Variants in FANCI observed in about 807,000 individuals in gnomAD.
FANCI encodes FA complementation group I, also known as Fanconi anemia group I protein.
In FANCI, 156 loss-of-function variants were observed where a neutral mutation model predicts 176.1. That is an observed-to-expected ratio of 0.89 (90% CI 0.78 to 1.01). The LOEUF is 1.01. Among genes scored for constraint, FANCI ranks in the 50% least tolerant of loss-of-function variants. The pLI, the probability that FANCI is intolerant of heterozygous loss-of-function variation, is 0.00. For missense variants in FANCI, 1,678 were observed against 1,534.1 expected (o/e 1.09, Z -1.57); for synonymous variants, 613 against 541.7 (o/e 1.13, Z -1.83).
At chr15:89,288,274 G>C (rs1596297692) in intron 18 of FANCI, among the ~76,000 whole-genome samples, 1 of 152,134 alleles carries the variant, frequency 6.6e-6, no homozygotes, top group Non-Finnish European at 1.5e-5. Context: ...GTGCACTAAG[G>C]ATAGGCAGTC....
intron 28 of FANCI, among the ~76,000 whole-genome samples, chr15:89,304,594 T>C (rs1423463510): frequency 6.6e-6 from 1 of 152,126 alleles, no homozygotes; most frequent in Non-Finnish European, 1.5e-5. Flanking sequence ...TGATGGGAAA[T>C]GTCTGCCTTC....
chr15:89,274,298 A>T lies in FANCI; in HGVS notation c.1106A>T (p.Lys369Met). The T allele has an allele frequency of 1.2e-6, 2 of 1,613,572 alleles. No homozygotes were observed. The highest frequency in any genetic ancestry group is 1.7e-6 in the Non-Finnish European group (2 of 1,179,804). The change falls in exon 12 of 38, where the codon AAG (lysine) becomes ATG (methionine). Residue 369 changes from lysine (K) to methionine (M), a missense_variant. Lys to Met is a moderately conservative substitution (Grantham distance 95). Coordinates refer to ENST00000310775, the MANE Select transcript of FANCI (RefSeq NM_001113378.2). ...TCAACCATGATCTTGGAAGTAGTGAAGAATAGGTAAGTTGGTGAACCATAT... is the reference window on the plus strand; with the variant it reads ...TCAACCATGATCTTGGAAGTAGTGATGAATAGGTAAGTTGGTGAACCATAT... ...YVSTMILEVVKNSVHSWDHVT... is the reference protein window; with the variant it reads ...YVSTMILEVVMNSVHSWDHVT...
At chr15:89,307,266 C>T (rs2054758988) in intron 32 of FANCI, among the ~76,000 whole-genome samples, 1 of 152,168 alleles carries the variant, frequency 6.6e-6, no homozygotes. Flanking sequence ...AAGAAATGAG[C>T]AAATCAGAAA....
chr15:89,247,700 A>G lies in FANCI; in HGVS notation c.53A>G (p.Gln18Arg), dbSNP rs2052050509. 6.2e-7 allele frequency: 1 copy of G among 1,614,048 alleles called. No individual in the cohort carries two copies. The highest frequency in any genetic ancestry group is 8.5e-7 in the Non-Finnish European group (1 of 1,179,980). ...GCAGAAAAAACAGCAGACAAACTGC[A>G]AGAATTTCTTCAAACCCTGAGAGAA... Reference protein sequence around the residue: ...LAAEKTADKLQEFLQTLREGD... With the variant: ...LAAEKTADKLREFLQTLREGD... Residue 18 changes from glutamine (Q) to arginine (R), a missense_variant, in exon 2 of 38, where the codon CAA (glutamine) becomes CGA (arginine). Gln to Arg is a conservative substitution (Grantham distance 43, BLOSUM62 1). Transcript: ENST00000310775.
At chr15:89,281,069 G>A in intron 14 of FANCI, 101 bp from the exon 15 acceptor site, 1 of 1,271,900 alleles carries the variant, frequency 7.9e-7, no homozygotes, top group Non-Finnish European at 1.1e-6. Flanking sequence ...ACTTATTTGA[G>A]AAAGGAAACA....
intron 24 of FANCI, 78 bp from the exon 25 acceptor site, chr15:89,299,722 A>C (rs2054456130): frequency 2.1e-6 from 3 of 1,441,042 alleles, no homozygotes; most frequent in Non-Finnish European, 1.9e-6. Flanking sequence ...GTTCACCTAC[A>C]GGGTAAGAAT....
At chr15:89,247,147 T>C (rs1001898911) in intron 1 of FANCI, among the ~76,000 whole-genome samples, 4 of 151,442 alleles carry the variant, frequency 2.6e-5, no homozygotes, top group African/African-American at 9.7e-5. Context: ...CATAGCTCAC[T>C]GCAGCCTCAC....
At chr15:89,252,497 T>C (rs550917780) in intron 2 of FANCI, among the ~76,000 whole-genome samples, 1 of 152,160 alleles carries the variant, frequency 6.6e-6, no homozygotes, top group South Asian at 2.1e-4. Flanking sequence ...CCCAGCACTT[T>C]GGGAGGCCAA....
At chr15:89,270,084 T>G (rs1037698845) in intron 10 of FANCI, among the ~76,000 whole-genome samples, 2 of 152,210 alleles carry the variant, frequency 1.3e-5, no homozygotes, top group Admixed American at 6.5e-5. Context: ...GTGCTGAGAT[T>G]ACAGGCGTGA....
chr15:89,310,439 C>A (rs2151964125), intron 34 of FANCI, among the ~76,000 whole-genome samples: 1 of 152,306 alleles, frequency 6.6e-6, no homozygotes, highest in Non-Finnish European at 1.5e-5. Flanking sequence ...TTCTGGGAAT[C>A]ACTACTACTT....
chr15:89,258,110 A>T (rs1484796167), intron 2 of FANCI, among the ~76,000 whole-genome samples: 1 of 151,834 alleles, frequency 6.6e-6, no homozygotes, highest in Non-Finnish European at 1.5e-5. Flanking sequence ...CAAATATGCC[A>T]AGTTCTTTGC....
intron 16 of FANCI, chr15:89,282,338 C>G (rs1483400272): frequency 5.9e-6 from 1 of 168,922 alleles, no homozygotes. Flanking sequence ...GATCTAGAGG[C>G]TAGTAGATCA....
intron 34 of FANCI, among the ~76,000 whole-genome samples, chr15:89,311,515 A>C (rs1272231896): frequency 6.6e-6 from 1 of 151,520 alleles, no homozygotes; most frequent in Non-Finnish European, 1.5e-5. Flanking sequence ...GAGTTCCAAC[A>C]GGGCCCCATC....
In FANCI at chr15:89,311,191, G is replaced by A. The variant is rs1033985847; in HGVS notation, c.3652-1713G>A. ...GGAGAATTGCTTGAACCCGGGAGGT[G>A]GAGGTTGCAGTGAGATGAGATCACA... On this transcript the variant is annotated intron_variant, in intron 34 of 37. Coordinates refer to ENST00000310775, the MANE Select transcript of FANCI (RefSeq NM_001113378.2). 7.1e-4 allele frequency among the ~76,000 whole-genome samples: 108 copies of A among 151,090 alleles called. 1 individual carries two copies. Among genetic ancestry groups the A allele is most frequent in the Admixed American group, 6.9e-3 (105 of 15,208 alleles).
At chr15:89,285,567 T>G (rs534438338) in intron 18 of FANCI, among the ~76,000 whole-genome samples, 43 of 152,344 alleles carry the variant, frequency 2.8e-4, no homozygotes, top group African/African-American at 1.0e-3. Context: ...CAGTGAGCTA[T>G]GATCACACCA....
At chr15:89,284,224 C>T (rs1264637750) in intron 17 of FANCI, among the ~76,000 whole-genome samples, 2 of 152,112 alleles carry the variant, frequency 1.3e-5, no homozygotes, top group African/African-American at 4.8e-5. Flanking sequence ...ATATATTACA[C>T]CTTGTAATCT....
Position 89,311,258 on chromosome 15 carries a change from C to CA in FANCI, c.3652-1635dup, listed in dbSNP as rs946956959. ...TGGGCAACAGAGCATGACTCTGTCT[C>CA]AAAAAAAAAAATTAGCCGGGCATGG... On this transcript the variant is annotated intron_variant, in intron 34 of 37. Transcript: ENST00000310775. Among the ~76,000 whole-genome samples the CA allele has an allele frequency of 3.2e-3, 399 of 124,616 alleles. 12 individuals are homozygous for CA. Among genetic ancestry groups the CA allele is most frequent in the South Asian group, 0.013 (53 of 4,072 alleles). 81.8% of individuals were successfully genotyped at this position (124,616 alleles called of 152,430 possible). A position where few individuals can be genotyped will look rare whatever the true frequency, so the allele number is the denominator to read the frequency against.
chr15:89,305,897 C>G, intron 31 of FANCI, 110 bp from the exon 32 acceptor site: 1 of 1,210,146 alleles, frequency 8.3e-7, no homozygotes, highest in Non-Finnish European at 1.2e-6. Flanking sequence ...ATTGAATGTT[C>G]GTTTTTCCAT....
chr15:89,308,117 C>G, intron 34 of FANCI: 1 of 1,100,474 alleles, frequency 9.1e-7, no homozygotes, highest in East Asian at 6.9e-5. Context: ...GTCCTAAATA[C>G]CATCAGATTC....
Sources: allele counts gnomAD v4.1 joint callset (sites outside exome capture counted in the v4.1 genomes callset), GRCh38; gene constraint gnomAD v4.1.1; transcripts MANE v1.5; gene names NCBI Gene and HGNC (gene_info 2026-07-23, HGNC 2026-07-21).